RDH10: variants seen among roughly 807,000 people sequenced by gnomAD.
RDH10 encodes retinol dehydrogenase 10 (all-trans).
Under a neutral mutation model 30.2 loss-of-function variants are expected in RDH10, and 12 were observed. The observed-to-expected ratio is 0.40, with a 90% CI of 0.25 to 0.64. RDH10 has a LOEUF of 0.64. Ranked by LOEUF, RDH10 falls within the 30% of genes least tolerant of loss-of-function variation. RDH10 has a pLI of 0.43. For synonymous variants in RDH10, 189 were observed against 172.2 expected, an observed-to-expected ratio of 1.10 and a Z score of -0.76; for missense variants, 268 against 445.2, an observed-to-expected ratio of 0.60 and a Z score of 3.58.
In RDH10 at chr8:73,297,272, A is replaced by AG; in HGVS notation, c.369dup (p.Asn124GlufsTer7). The AG allele has an allele frequency of 6.2e-7, 1 of 1,614,122 alleles. No homozygotes were observed. The highest frequency in any genetic ancestry group is 8.5e-7 in the Non-Finnish European group (1 of 1,179,966). On this transcript the variant is annotated frameshift_variant, in exon 2 of 6. Coordinates refer to ENST00000240285, the MANE Select transcript of RDH10 (RefSeq NM_172037.5). LOFTEE classifies it high-confidence loss of function. ...TACACCTGTGACGTGGGGAAGAGGG[A>AG]GAACGTCTACCTGACGGCTGAAAGA...
At chr8:73,297,011 C>T (rs1236906130) in intron 1 of RDH10, 183 bp from the exon 2 acceptor site, 4 of 584,376 alleles carry the variant, frequency 6.8e-6, no homozygotes, top group Non-Finnish European at 1.2e-5. Context: ...TTCCCAAAGA[C>T]TTCATGGGAG....
At chr8:73,296,078 G>T (rs1215038881) in intron 1 of RDH10, among the ~76,000 whole-genome samples, 1 of 152,168 alleles carries the variant, frequency 6.6e-6, no homozygotes, top group African/African-American at 2.4e-5. Context: ...TTTCGCCAGC[G>T]ATAAGTGCTT....
chr8:73,315,099 A>G (rs1003466661), intron 2 of RDH10, among the ~76,000 whole-genome samples: 6 of 151,126 alleles, frequency 4.0e-5, no homozygotes, highest in African/African-American at 1.2e-4. Context: ...CCATATCTGG[A>G]TTGTTTGGTT....
chr8:73,315,908 T>C (rs1646863251), intron 2 of RDH10, among the ~76,000 whole-genome samples: 1 of 152,258 alleles, frequency 6.6e-6, no homozygotes, highest in Non-Finnish European at 1.5e-5. Context: ...AACTTAAAAA[T>C]GATCTCTGGT....
chr8:73,295,207 C>G lies in RDH10; in HGVS notation c.-83C>G. 7.5e-7 allele frequency: 1 copy of G among 1,335,176 alleles called. No homozygotes were observed. The highest frequency in any genetic ancestry group is 9.9e-7 in the Non-Finnish European group (1 of 1,009,428). The allele number at this position is 1,335,176 out of a possible 1,614,324, so 82.7% of individuals were successfully genotyped here. ...CTCGTCCCGGCCTCTGTGACAAGCG[C>G]CCCGGAGCCGGGAGCCCGATTGCCG... On this transcript the variant is annotated 5_prime_UTR_variant, in exon 1 of 6. Transcript: ENST00000240285.
Position 73,295,771 on chromosome 8 carries a change from G to A in RDH10, c.289+193G>A. 11 of 944,170 alleles carry A rather than the reference G, an allele frequency of 1.2e-5. No individual in the cohort carries two copies. The South Asian group carries it at 2.1e-4, about 18-fold the overall frequency. 58.5% of individuals were successfully genotyped at this position (944,170 alleles called of 1,614,324 possible). ...GCGATCACTTCTGTATTACCAGGGAGAAGGTGCCCTGTCCTCGCGGAGGTT... is the reference window on the plus strand; with the variant it reads ...GCGATCACTTCTGTATTACCAGGGAAAAGGTGCCCTGTCCTCGCGGAGGTT... On this transcript the variant is annotated intron_variant, in intron 1 of 5. Coordinates refer to ENST00000240285, the MANE Select transcript of RDH10 (RefSeq NM_172037.5).
chr8:73,297,491 GA>G, intron 2 of RDH10, 62 bp downstream of exon 2: 1 of 1,254,962 alleles, frequency 8.0e-7, no homozygotes, highest in South Asian at 1.2e-5. Flanking sequence ...TTGGGAAGGG[GA>G]GAGACTTCAG....
chr8:73,295,899 A>C (rs1351770402), intron 1 of RDH10: 6 of 1,136,450 alleles, frequency 5.3e-6, no homozygotes, highest in Non-Finnish European at 6.6e-6. Context: ...ATCCCAAAGA[A>C]ATGTCTTGCT....
Position 73,325,050 on chromosome 8 carries a change from TATACTC to T in RDH10, c.*2016_*2021del, listed in dbSNP as rs1199011832. 1 of 152,194 alleles carries T rather than the reference TATACTC, an allele frequency of 6.6e-6. No individual in the cohort carries two copies. The allele number at this position is 152,194 out of a possible 1,614,324, so 9.4% of individuals were successfully genotyped here. On this transcript the variant is annotated 3_prime_UTR_variant, in exon 6 of 6. Transcript: ENST00000240285. ...CTCAACAATGCCAGGTGGGGACAGA[TATACTC>T]AGAGATTATCCAGGTCTGCCTCCCA...
At chr8:73,306,620 A>C (rs116976010) in intron 2 of RDH10, among the ~76,000 whole-genome samples, 4,822 of 152,334 alleles carry the variant, frequency 0.032, 103 homozygotes, top group Middle Eastern at 0.085. Flanking sequence ...TACAATGACA[A>C]GCCACTTACA....
At chr8:73,319,813 G>A (rs561152363) in intron 3 of RDH10, among the ~76,000 whole-genome samples, 495 of 152,284 alleles carry the variant, frequency 3.3e-3, no homozygotes, top group Non-Finnish European at 5.7e-3. Flanking sequence ...AGGCGGTCAG[G>A]TATCCTGCAT....
rs1814217142 is a variant in RDH10 at position 73,294,681 on chromosome 8, C to T, written c.-609C>T. The stretch of plus-strand genomic sequence containing the variant: ...GCCCGAGTGACACCCGCGGAGAGTG[C>T]AGGGCCGGGGAACGCGAGCCCTCGG... On this transcript the variant is annotated 5_prime_UTR_variant, in exon 1 of 6. Coordinates refer to ENST00000240285, the MANE Select transcript of RDH10 (RefSeq NM_172037.5). The T allele has an allele frequency of 5.5e-6, 2 of 362,378 alleles. No homozygotes were observed. Among genetic ancestry groups the T allele is most frequent in the East Asian group, 4.0e-5 (1 of 25,026 alleles). 22.4% of individuals were successfully genotyped at this position (362,378 alleles called of 1,614,324 possible). A position where few individuals can be genotyped will look rare whatever the true frequency, so the allele number is the denominator to read the frequency against.
chr8:73,316,653 G>A (rs190077570), intron 2 of RDH10, among the ~76,000 whole-genome samples: 2 of 152,288 alleles, frequency 1.3e-5, no homozygotes, highest in East Asian at 3.9e-4. Flanking sequence ...GTGAGACTGG[G>A]TAATTTACAA....
chr8:73,308,067 C>G (rs959311927), intron 2 of RDH10, among the ~76,000 whole-genome samples: 1 of 152,132 alleles, frequency 6.6e-6, no homozygotes, highest in Non-Finnish European at 1.5e-5. Flanking sequence ...CACCCAGCTT[C>G]CTTCTTTCTC....
At position 73,324,634 on chromosome 8, in the gene RDH10, T is replaced by C. The variant is rs1006748642; in HGVS notation, c.*1598T>C. 2.0e-5 allele frequency: 3 copies of C among 152,230 alleles called. No homozygotes were observed. Among genetic ancestry groups the C allele is most frequent in the Non-Finnish European group, 4.4e-5 (3 of 68,042 alleles). The allele number at this position is 152,230 out of a possible 1,614,324, so 9.4% of individuals were successfully genotyped here. On this transcript the variant is annotated 3_prime_UTR_variant, in exon 6 of 6. Coordinates refer to ENST00000240285, the MANE Select transcript of RDH10 (RefSeq NM_172037.5). The stretch of plus-strand genomic sequence containing the variant: ...TTATTGTGTTTTTTTTTATGATCAT[T>C]ATCCCACTTTAGGTAAAGAAAAATA...
At chr8:73,302,395 C>T (rs1814394920) in intron 2 of RDH10, among the ~76,000 whole-genome samples, 1 of 152,148 alleles carries the variant, frequency 6.6e-6, no homozygotes, top group African/African-American at 2.4e-5. Context: ...TTGAAAGATA[C>T]CTCTCTTGGG....
rs1414434168 is a variant in RDH10, at chr8:73,295,310, C to T, written c.21C>T (p.Phe7=). 2.6e-6 allele frequency: 4 copies of T among 1,565,576 alleles called. No homozygotes were observed. The highest frequency in any genetic ancestry group is 1.9e-5 in the Admixed American group (1 of 53,604). MNIVVE[F]FVVTFKVLWA... Reference sequence around the variant, plus strand: ...TCGCGATGAACATCGTGGTGGAGTTCTTCGTGGTCACTTTCAAAGTGCTCT... The same window carrying T: ...TCGCGATGAACATCGTGGTGGAGTTTTTCGTGGTCACTTTCAAAGTGCTCT... Residue 7 remains phenylalanine, a synonymous_variant, in exon 1 of 6, where the codon TTC becomes TTT. Transcript: ENST00000240285.
At chr8:73,322,247 G>A (rs574911649) in intron 4 of RDH10, 2 of 330,886 alleles carry the variant, frequency 6.0e-6, no homozygotes, top group Non-Finnish European at 1.2e-5. Context: ...ATCCTGGAAA[G>A]TGGATACCTG....
chr8:73,324,581 T>C lies in RDH10; in HGVS notation c.*1545T>C, dbSNP rs1460059130. The C allele has an allele frequency of 6.6e-6, 1 of 152,376 alleles. No individual in the cohort carries two copies. Among genetic ancestry groups the C allele is most frequent in the Non-Finnish European group, 1.5e-5 (1 of 68,048 alleles). The allele number at this position is 152,376 out of a possible 1,614,324, so 9.4% of individuals were successfully genotyped here. A position where few individuals can be genotyped will look rare whatever the true frequency, so the allele number is the denominator to read the frequency against. Reference sequence around the variant, plus strand: ...TAACTTACATGCAATTGTGTGATTATTAGTTATCAGCAGTGTTGTAAGGAA... The same window carrying C: ...TAACTTACATGCAATTGTGTGATTACTAGTTATCAGCAGTGTTGTAAGGAA... On this transcript the variant is annotated 3_prime_UTR_variant, in exon 6 of 6. Coordinates refer to ENST00000240285, the MANE Select transcript of RDH10 (RefSeq NM_172037.5).
Sources: gnomAD v4.1 joint callset for allele counts (sites outside exome capture counted in the v4.1 genomes callset) on GRCh38, gnomAD v4.1.1 for gene constraint, MANE v1.5 for transcripts, NCBI Gene and HGNC (gene_info 2026-07-23, HGNC 2026-07-21) for gene names.